The following SATL1 variants were observed in gnomAD, a reference collection of about 807,000 sequenced individuals.
The protein encoded by SATL1 is spermidine/spermine N(1)-acetyltransferase-like protein 1.
In SATL1, 47 loss-of-function variants were observed where a neutral mutation model predicts 51.8. The ratio of observed to expected loss-of-function variants is 0.91; its 90% confidence interval spans 0.72 to 1.16. The LOEUF (loss-of-function observed/expected upper bound fraction) is 1.16, where lower values mean the gene tolerates loss of function less well. Ranked by LOEUF, SATL1 falls within the 50% of genes most tolerant of loss-of-function variation. The pLI, the probability that SATL1 is intolerant of heterozygous loss-of-function variation, is 0.00. For missense variants in SATL1, 520 were observed against 526.4 expected (o/e 0.99, Z 0.12); for synonymous variants, 176 against 182.4 (o/e 0.97, Z 0.28).
chrX:85,106,939 T>A (rs1358959890), intron 3 of SATL1, among the ~76,000 whole-genome samples: 1 of 111,550 alleles, frequency 9.0e-6, no homozygotes, highest in East Asian at 2.8e-4. Flanking sequence ...TGAAATTCTA[T>A]CATCGGTGGG....
chrX:85,114,979 G>C lies in SATL1; in HGVS notation c.-312-5699C>G, dbSNP rs1466981373. On this transcript the variant is annotated intron_variant, in intron 2 of 7. Transcript: ENST00000644105. ...CCTATTTTTTAAATAACTGCCACAA[G>C]GGGGCTGGACTTCCTTCCCTTTGAA... is the stretch of plus-strand genomic sequence containing the variant. Among the ~76,000 whole-genome samples the C allele has an allele frequency of 4.5e-5, 5 of 111,675 alleles. No homozygotes were observed. The South Asian group carries it at 1.1e-3, about 25-fold the overall frequency.
At chrX:85,225,748 C>T (rs931195470) in intron 1 of SATL1, among the ~76,000 whole-genome samples, 8 of 111,572 alleles carry the variant, frequency 7.2e-5, no homozygotes, top group African/African-American at 2.6e-4. Flanking sequence ...ATCTCTTTTT[C>T]TCTGACGTTC....
At chrX:85,099,295 T>C (rs1321860999) in intron 4 of SATL1, among the ~76,000 whole-genome samples, 1 of 111,403 alleles carries the variant, frequency 9.0e-6, no homozygotes, top group East Asian at 2.8e-4. Flanking sequence ...AGGAACCAAA[T>C]GGCCTCATCA....
chrX:85,215,367 C>A (rs1212341231), intron 2 of SATL1, among the ~76,000 whole-genome samples: 1 of 110,655 alleles, frequency 9.0e-6, no homozygotes, highest in East Asian at 2.8e-4. Context: ...TCATGGTAAT[C>A]TCTTTAGCAA....
At chrX:85,210,995 T>A (rs1392184106) in intron 2 of SATL1, 1 of 111,397 alleles carries the variant, frequency 9.0e-6, no homozygotes, top group Non-Finnish European at 1.9e-5. Context: ...TCATTACCAA[T>A]CTAAGAATCT....
intron 2 of SATL1, among the ~76,000 whole-genome samples, chrX:85,142,145 C>T (rs1389865405): frequency 9.4e-6 from 1 of 106,535 alleles, no homozygotes; most frequent in Non-Finnish European, 1.9e-5. Context: ...GCCTGTAATC[C>T]CAGCACTTTG....
In SATL1 at chrX:85,094,979, A is replaced by T; in HGVS notation, c.1711T>A (p.Phe571Ile). The T allele has an allele frequency of 1.7e-6, 2 of 1,155,303 alleles. No individual in the cohort carries two copies. Among genetic ancestry groups the T allele is most frequent in the Non-Finnish European group, 2.4e-6 (2 of 846,590 alleles). ...LTAADLLRDG[F>I]GDNPLFYCLI... ...CAGTAGAAAAGGGGATTGTCCCCAA[A>T]GCCATCTCTGAGTAAATCTGAAATA... is the stretch of plus-strand genomic sequence containing the variant. The change falls in exon 5 of 8, where the codon TTT (phenylalanine) becomes ATT (isoleucine). Residue 571 changes from phenylalanine to isoleucine, a missense_variant. This residue lies in a region of SATL1 where 488 missense variants were observed against 474.3 expected (regional missense o/e 1.03). Coordinates refer to ENST00000644105, the MANE Select transcript of SATL1 (RefSeq NM_001367857.2).
chrX:85,133,595 C>T lies in SATL1; in HGVS notation c.-312-24315G>A, dbSNP rs752809044. Among the ~76,000 whole-genome samples, 108 of 112,332 alleles carry T rather than the reference C, an allele frequency of 9.6e-4. 1 individual carries two copies. Among genetic ancestry groups the T allele is most frequent in the African/African-American group, 3.2e-3 (100 of 30,933 alleles). On this transcript the variant is annotated intron_variant, in intron 2 of 7. Coordinates refer to ENST00000644105, the MANE Select transcript of SATL1 (RefSeq NM_001367857.2). ...GCTAGGAAAGGGAAATCCCCTGACC[C>T]CTCATGCCTCCCGGCTGAGGCAATG...
At chrX:85,178,029 T>C (rs1230958105) in intron 2 of SATL1, among the ~76,000 whole-genome samples, 1 of 111,754 alleles carries the variant, frequency 8.9e-6, no homozygotes, top group Non-Finnish European at 1.9e-5. Flanking sequence ...TAAGATTCTG[T>C]ATCCTTTTCA....
At chrX:85,148,378 T>G (rs1160399558) in intron 2 of SATL1, among the ~76,000 whole-genome samples, 1 of 109,634 alleles carries the variant, frequency 9.1e-6, no homozygotes, top group Non-Finnish European at 1.9e-5. Flanking sequence ...GGAACCAAGT[T>G]GGAAAACACT....
intron 2 of SATL1, among the ~76,000 whole-genome samples, chrX:85,179,030 C>G (rs748992688): frequency 2.0e-4 from 22 of 112,076 alleles, no homozygotes; most frequent in Non-Finnish European, 3.8e-4. Context: ...TGTAAATGTT[C>G]TATAAATCTG....
chrX:85,152,305 A>T (rs1490981245), intron 2 of SATL1, among the ~76,000 whole-genome samples: 35 of 111,346 alleles, frequency 3.1e-4, no homozygotes, highest in Non-Finnish European at 5.7e-4. Flanking sequence ...ATCATTAAAA[A>T]GTCAGGAAAC....
chrX:85,155,126 G>T (rs1363599277), intron 2 of SATL1, among the ~76,000 whole-genome samples: 1 of 110,613 alleles, frequency 9.0e-6, no homozygotes, highest in East Asian at 2.8e-4. Context: ...AGCATCATGT[G>T]GTATACATGT....
intron 2 of SATL1, among the ~76,000 whole-genome samples, chrX:85,192,453 C>T (rs1481192241): frequency 9.0e-6 from 1 of 110,972 alleles, no homozygotes; most frequent in Non-Finnish European, 1.9e-5. Context: ...TGGAGTTCCA[C>T]AAACACTACC....
intron 2 of SATL1, among the ~76,000 whole-genome samples, chrX:85,204,788 T>A (rs933655190): frequency 3.6e-5 from 4 of 112,190 alleles, no homozygotes; most frequent in African/African-American, 1.3e-4. Context: ...TGCTTAATTA[T>A]CTTTAGTTCT....
intron 2 of SATL1, among the ~76,000 whole-genome samples, chrX:85,130,075 G>A (rs966142590): frequency 8.9e-6 from 1 of 111,763 alleles, no homozygotes; most frequent in African/African-American, 3.2e-5. Context: ...TTTTCACATC[G>A]ATGTTCATCA....
chrX:85,104,513 T>C (rs910941552), intron 3 of SATL1, among the ~76,000 whole-genome samples: 2 of 111,493 alleles, frequency 1.8e-5, no homozygotes, highest in African/African-American at 6.5e-5. Context: ...CAATTTCACC[T>C]TTATCTTTTC....
intron 2 of SATL1, among the ~76,000 whole-genome samples, chrX:85,142,285 A>T (rs1299111187): frequency 9.5e-6 from 1 of 105,641 alleles, no homozygotes. Flanking sequence ...AGTCCCAGCT[A>T]CTCAGGAGGC....
At chrX:85,097,759 G>A (rs907531654) in intron 4 of SATL1, among the ~76,000 whole-genome samples, 1 of 112,049 alleles carries the variant, frequency 8.9e-6, no homozygotes, top group South Asian at 3.7e-4. Flanking sequence ...AGTTAAGTTG[G>A]TTTAAATCAA....
Sources: gnomAD v4.1 joint callset for allele counts (sites outside exome capture counted in the v4.1 genomes callset) on GRCh38, gnomAD v4.1.1 for gene constraint, gnomAD v4.1.1 regional missense constraint, MANE v1.5 for transcripts, NCBI Gene and HGNC (gene_info 2026-07-23, HGNC 2026-07-21) for gene names.